Variants in TRHDE observed in about 807,000 individuals in gnomAD.
The protein encoded by TRHDE is thyrotropin releasing hormone degrading enzyme.
In TRHDE, 72 loss-of-function variants were observed where a neutral mutation model predicts 125.7. That is an observed-to-expected ratio of 0.57 (90% CI 0.47 to 0.70). TRHDE has a LOEUF of 0.70. Ranked by LOEUF, TRHDE falls within the 30% of genes least tolerant of loss-of-function variation. The pLI is 0.00. For synonymous variants in TRHDE, 509 were observed against 509.1 expected (o/e 1.00, Z 0.00); for missense variants, 1,110 against 1,327.1 (o/e 0.84, Z 2.54).
At chr12:72,459,705 G>A (rs919130505) in intron 3 of TRHDE, among the ~76,000 whole-genome samples, 6 of 151,874 alleles carry the variant, frequency 4.0e-5, no homozygotes, top group African/African-American at 7.3e-5. Flanking sequence ...CTGCAGCCTC[G>A]ACCTCCTGGG....
intron 2 of TRHDE, among the ~76,000 whole-genome samples, chr12:72,222,626 T>A (rs1032086408): frequency 1.3e-5 from 2 of 152,152 alleles, no homozygotes; most frequent in Non-Finnish European, 2.9e-5. Context: ...AGAACCTCCA[T>A]TCTACATTAT....
At chr12:72,482,447 C>T (rs1050778791) in intron 5 of TRHDE, among the ~76,000 whole-genome samples, 28 of 151,646 alleles carry the variant, frequency 1.8e-4, no homozygotes, top group Non-Finnish European at 8.9e-5. Flanking sequence ...ATTTAGCTAC[C>T]TATTATTATT....
chr12:72,105,190 C>T (rs1309124650), intron 1 of TRHDE, among the ~76,000 whole-genome samples: 1 of 152,152 alleles, frequency 6.6e-6, no homozygotes, highest in African/African-American at 2.4e-5. Flanking sequence ...CAAGGAAGTA[C>T]ATGGTTAAAA....
intron 12 of TRHDE, among the ~76,000 whole-genome samples, chr12:72,593,148 A>G (rs1871766089): frequency 1.3e-5 from 2 of 152,152 alleles, no homozygotes; most frequent in African/African-American, 4.8e-5. Flanking sequence ...ATGGTTTCCA[A>G]GTTCATTTTT....
At chr12:72,490,185 A>G (rs1159510556) in intron 5 of TRHDE, among the ~76,000 whole-genome samples, 2 of 151,902 alleles carry the variant, frequency 1.3e-5, no homozygotes, top group African/African-American at 4.8e-5. Context: ...CAGAATAGAC[A>G]TGTCTCCAAA....
At chr12:72,518,297 A>T (rs1878986806) in intron 6 of TRHDE, among the ~76,000 whole-genome samples, 1 of 144,894 alleles carries the variant, frequency 6.9e-6, no homozygotes, top group Non-Finnish European at 1.5e-5. Flanking sequence ...TTTGTAGGTC[A>T]CTCAGGACTT....
In TRHDE at chr12:72,477,824, C is replaced by A. The variant is rs915482138; in HGVS notation, c.1584+4644C>A. Among the ~76,000 whole-genome samples, 4 of 152,274 alleles carry A rather than the reference C, an allele frequency of 2.6e-5. No homozygotes were observed. The East Asian group carries it at 7.7e-4, about 29-fold the overall frequency. On this transcript the variant is annotated intron_variant, in intron 5 of 18. Transcript: ENST00000261180. ...TGCAGGTCAAGTCATATCCTCTGTG[C>A]ATAGTGCATAGGTGTCATTATAATT...
intron 3 of TRHDE, among the ~76,000 whole-genome samples, chr12:72,413,600 A>ATAAT (rs1365344142): frequency 2.6e-5 from 4 of 152,004 alleles, no homozygotes; most frequent in African/African-American, 9.7e-5. Flanking sequence ...TTTCTGAAAG[A>ATAAT]TAATGTCAAT....
At chr12:72,559,663 T>TATC (rs1197205550) in intron 7 of TRHDE, among the ~76,000 whole-genome samples, 1 of 152,222 alleles carries the variant, frequency 6.6e-6, no homozygotes, top group Non-Finnish European at 1.5e-5. Flanking sequence ...TTCTATTTTA[T>TATC]ATCATAATGT....
chr12:72,576,569 C>G (rs2136029491), intron 12 of TRHDE, among the ~76,000 whole-genome samples: 1 of 152,012 alleles, frequency 6.6e-6, no homozygotes, highest in Admixed American at 6.6e-5. Flanking sequence ...GATCAAATTA[C>G]AGAGATTGAT....
chr12:72,548,717 C>A (rs1188022684), intron 7 of TRHDE, among the ~76,000 whole-genome samples: 1 of 151,548 alleles, frequency 6.6e-6, no homozygotes, highest in Non-Finnish European at 1.5e-5. Context: ...GAAATCCTCA[C>A]ATAAAATTGA....
At chr12:72,612,152 G>T (rs1212114098) in intron 12 of TRHDE, among the ~76,000 whole-genome samples, 1 of 152,060 alleles carries the variant, frequency 6.6e-6, no homozygotes, top group African/African-American at 2.4e-5. Context: ...TGTTTCCTCA[G>T]TCAGTATTCT....
intron 15 of TRHDE, among the ~76,000 whole-genome samples, chr12:72,650,118 G>A (rs1283644727): frequency 6.6e-6 from 1 of 152,012 alleles, no homozygotes; most frequent in Non-Finnish European, 1.5e-5. Context: ...GCCATGATGT[G>A]GAAACAATCT....
chr12:72,283,003 TGTA>T (rs1879751861), intron 1 of TRHDE, among the ~76,000 whole-genome samples: 1 of 152,204 alleles, frequency 6.6e-6, no homozygotes, highest in African/African-American at 2.4e-5. Context: ...CTAAAATGTC[TGTA>T]GTGCCAACAT....
intron 3 of TRHDE, among the ~76,000 whole-genome samples, chr12:72,390,865 G>A (rs969559312): frequency 1.3e-5 from 2 of 152,178 alleles, no homozygotes; most frequent in Non-Finnish European, 2.9e-5. Flanking sequence ...ATATCTGCTT[G>A]TAATTTTGTG....
intron 7 of TRHDE, among the ~76,000 whole-genome samples, chr12:72,561,269 G>A (rs1385897362): frequency 6.6e-6 from 1 of 152,094 alleles, no homozygotes; most frequent in Non-Finnish European, 1.5e-5. Context: ...TAAAAGTACT[G>A]AAGGAGTCAG....
In TRHDE at chr12:72,273,334, C is replaced by G. The variant is rs141519998; in HGVS notation, c.691C>G (p.Arg231Gly). The change falls in exon 1 of 19, where the codon CGA becomes GGA. Residue 231 changes from arginine to glycine, a missense_variant. By Grantham distance (125) the Arg-to-Gly change is moderately radical. Transcript: ENST00000261180. This position sits in a 1 kb window ranked among gnomAD's most constrained non-coding sequence, Gnocchi z 5.3. The part of the protein sequence containing the change: ...ATRYVVLHAS[R>G]VAVEKVQLAE... ...CCGCTACGTAGTGCTGCACGCTTCC[C>G]GAGTGGCGGTGGAGAAAGTGCAGCT... 7 of 1,613,954 alleles carry G rather than the reference C, an allele frequency of 4.3e-6. No individual in the cohort carries two copies. The Admixed American group carries it at 5.0e-5, about 12-fold the overall frequency.
In TRHDE at chr12:72,544,038, A is replaced by G. The variant is rs1869289285; in HGVS notation, c.1788+1682A>G. Among the ~76,000 whole-genome samples, 3 of 151,184 alleles carry G rather than the reference A, an allele frequency of 2.0e-5. No individual in the cohort carries two copies. In the South Asian group the frequency reaches 6.2e-4, roughly 31 times the overall value. ...TGATACTTGATATGGTTAATTTTCA[A>G]CTGAGGTACTCTATGTTTGTCAACA... On this transcript the variant is annotated intron_variant, in intron 7 of 18. Coordinates refer to ENST00000261180, the MANE Select transcript of TRHDE (RefSeq NM_013381.3).
intron 15 of TRHDE, among the ~76,000 whole-genome samples, chr12:72,639,084 A>C (rs995896842): frequency 6.6e-6 from 1 of 150,532 alleles, no homozygotes; most frequent in Non-Finnish European, 1.5e-5. Flanking sequence ...CTCCTGGATA[A>C]TATCCTGCAG....
Sources: gnomAD v4.1 joint callset for allele counts (sites outside exome capture counted in the v4.1 genomes callset) on GRCh38, gnomAD v4.1.1 for gene constraint, Gnocchi (gnomAD v3.1) non-coding constraint, MANE v1.5 for transcripts, NCBI Gene and HGNC (gene_info 2026-07-23, HGNC 2026-07-21) for gene names.